Variants in ERN1 observed in about 807,000 individuals in gnomAD.
The protein encoded by ERN1 is serine/threonine-protein kinase/endoribonuclease IRE1.
ERN1 carries 39 observed loss-of-function variants against 113.1 expected under a neutral mutation model. That is an observed-to-expected ratio of 0.34 (90% CI 0.27 to 0.45). The LOEUF (loss-of-function observed/expected upper bound fraction) is 0.45. ERN1 is among the 20% of genes least tolerant of loss of function. The pLI is 1.00. For missense variants in ERN1, 976 were observed against 1,274.8 expected (o/e 0.77, Z 3.57); for synonymous variants, 507 against 515.9 (o/e 0.98, Z 0.23).
intron 1 of ERN1, among the ~76,000 whole-genome samples, chr17:64,105,845 C>G (rs935691641): frequency 1.3e-5 from 2 of 151,902 alleles, no homozygotes; most frequent in Non-Finnish European, 2.9e-5. Flanking sequence ...ATCCCAGCTA[C>G]TTGGGAAGCT....
At chr17:64,110,902 G>A (rs1239728122) in intron 1 of ERN1, among the ~76,000 whole-genome samples, 2 of 152,180 alleles carry the variant, frequency 1.3e-5, no homozygotes, top group African/African-American at 4.8e-5. Flanking sequence ...CTCGAAAACA[G>A]GACTCAGAAA....
intron 2 of ERN1, among the ~76,000 whole-genome samples, chr17:64,086,008 A>G (rs1913913265): frequency 6.6e-6 from 1 of 152,116 alleles, no homozygotes; most frequent in East Asian, 1.9e-4. Flanking sequence ...CCTTCCCTTC[A>G]CATCTCTATA....
At chr17:64,078,135 C>G (rs552772563) in intron 4 of ERN1, among the ~76,000 whole-genome samples, 5 of 152,300 alleles carry the variant, frequency 3.3e-5, no homozygotes, top group African/African-American at 9.6e-5. Flanking sequence ...CTTGTGCCAC[C>G]CTGCACTTCC....
At position 64,047,909 on chromosome 17, in the gene ERN1, C is replaced by T. The variant is rs1912560906; in HGVS notation, c.2478G>A (p.Val826=). The T allele has an allele frequency of 6.2e-7, 1 of 1,613,382 alleles. No individual in the cohort carries two copies. Among genetic ancestry groups the T allele is most frequent in the Non-Finnish European group, 8.5e-7 (1 of 1,179,444 alleles). The change falls in exon 19 of 22, where the codon GTG becomes GTA. Residue 826 remains valine (V), a synonymous_variant. Coordinates refer to ENST00000433197, the MANE Select transcript of ERN1 (RefSeq NM_001433.5). ...DPQKRPSAKH[V]LKHPFFWSLE... is the part of the protein sequence containing the mutation. ...GGCTCCAGAAGAACGGGTGTTTGAG[C>T]ACATGCTTCGCTGAGGGGCGTTTCT...
chr17:64,116,625 T>A (rs1467334415), intron 1 of ERN1, among the ~76,000 whole-genome samples: 2 of 150,776 alleles, frequency 1.3e-5, no homozygotes, highest in African/African-American at 4.9e-5. Flanking sequence ...GGAAAAAAAA[T>A]GTAATCTTAT....
intron 11 of ERN1, among the ~76,000 whole-genome samples, chr17:64,058,976 C>T (rs1034038586): frequency 3.3e-5 from 5 of 152,154 alleles, no homozygotes; most frequent in African/African-American, 1.2e-4. Context: ...CATACAGATG[C>T]ACCTGAGAGT....
intron 5 of ERN1, among the ~76,000 whole-genome samples, chr17:64,073,429 C>T (rs895362052): frequency 1.3e-5 from 2 of 151,322 alleles, no homozygotes; most frequent in Non-Finnish European, 2.9e-5. Context: ...CCCAACTCGG[C>T]CTCCCAAAGT....
intron 7 of ERN1, 123 bp from the exon 8 acceptor site, chr17:64,067,055 ATCTCC>A: frequency 9.6e-7 from 1 of 1,037,992 alleles, no homozygotes; most frequent in African/African-American, 1.6e-5. Context: ...ATATTCTCAG[ATCTCC>A]TCTGAGCAAT....
intron 1 of ERN1, among the ~76,000 whole-genome samples, chr17:64,116,071 TA>T (rs1914795398): frequency 6.6e-6 from 1 of 152,144 alleles, no homozygotes; most frequent in African/African-American, 2.4e-5. Context: ...CATTAGAAAT[TA>T]GTAATAATCT....
At chr17:64,118,571 C>T in intron 1 of ERN1, among the ~76,000 whole-genome samples, 1 of 152,184 alleles carries the variant, frequency 6.6e-6, no homozygotes, top group Non-Finnish European at 1.5e-5. Flanking sequence ...GAGCGGGCTC[C>T]CAATTCTACT....
At chr17:64,105,585 T>C (rs1413107477) in intron 1 of ERN1, among the ~76,000 whole-genome samples, 2 of 152,312 alleles carry the variant, frequency 1.3e-5, no homozygotes, top group East Asian at 3.9e-4. Flanking sequence ...TGTGTGTGTG[T>C]GTTTTTGTTT....
intron 2 of ERN1, among the ~76,000 whole-genome samples, chr17:64,091,199 C>T (rs146387604): frequency 8.5e-5 from 13 of 152,314 alleles, no homozygotes; most frequent in Non-Finnish European, 1.9e-4. Flanking sequence ...AGATCTCCAA[C>T]TCTTCCAGAG....
At chr17:64,064,623 G>A (rs1454249928) in intron 9 of ERN1, among the ~76,000 whole-genome samples, 2 of 152,228 alleles carry the variant, frequency 1.3e-5, no homozygotes, top group Non-Finnish European at 2.9e-5. Context: ...CAACCACACA[G>A]CCCAAGCATT....
chr17:64,091,662 G>C (rs1206645653), intron 2 of ERN1, among the ~76,000 whole-genome samples: 1 of 152,206 alleles, frequency 6.6e-6, no homozygotes, highest in Non-Finnish European at 1.5e-5. Context: ...TGCTGGTAGA[G>C]AGGGAGCATG....
Position 64,055,718 on chromosome 17 carries a change from G to A in ERN1, c.1629C>T (p.Ala543=), listed in dbSNP as rs772328006. 4 of 1,609,642 alleles carry A rather than the reference G, an allele frequency of 2.5e-6. No homozygotes were observed. In the South Asian group the frequency reaches 3.3e-5, roughly 13 times the overall value. The part of the protein sequence containing the change: ...SNHSLCSGSS[A]SKAGSSPSLE... ...GGGAGGGGCTGCTGCCAGCCTTGGA[G>A]GCAGAGCTGCCGGAGCAGAGCGAGT... The change falls in exon 13 of 22, where the codon GCC becomes GCT. Residue 543 remains alanine, a synonymous_variant. Coordinates refer to ENST00000433197, the MANE Select transcript of ERN1 (RefSeq NM_001433.5).
chr17:64,069,309 G>A (rs1913335098), intron 6 of ERN1, among the ~76,000 whole-genome samples: 1 of 152,110 alleles, frequency 6.6e-6, no homozygotes, highest in Non-Finnish European at 1.5e-5. Context: ...TTGACACATG[G>A]GAAGCCCACA....
At position 64,105,638 on chromosome 17, in the gene ERN1, T is replaced by C. The variant is rs555735798; in HGVS notation, c.55-7397A>G. Among the ~76,000 whole-genome samples the C allele has an allele frequency of 2.0e-4, 30 of 152,312 alleles. No homozygotes were observed. The East Asian group carries it at 4.1e-3, about 21-fold the overall frequency. On this transcript the variant is annotated intron_variant, in intron 1 of 21. Coordinates refer to ENST00000433197, the MANE Select transcript of ERN1 (RefSeq NM_001433.5). ...CTGTGTTCATTGGATTACTGTTATA[T>C]TGCATAATCCCAACTTTAGTTTTAT...
At chr17:64,080,705 G>A in intron 3 of ERN1, 70 bp downstream of exon 3, 2 of 1,414,750 alleles carry the variant, frequency 1.4e-6, no homozygotes, top group Non-Finnish European at 2.0e-6. Context: ...CCAGCAACTG[G>A]CCTCATAAAC....
chr17:64,064,391 G>A (rs1468250091), intron 9 of ERN1, among the ~76,000 whole-genome samples: 1 of 152,260 alleles, frequency 6.6e-6, no homozygotes, highest in Non-Finnish European at 1.5e-5. Flanking sequence ...TGGGGAACAA[G>A]AAGTGTGTGT....
Sources: allele counts gnomAD v4.1 joint callset (sites outside exome capture counted in the v4.1 genomes callset), GRCh38; gene constraint gnomAD v4.1.1; transcripts MANE v1.5; gene names NCBI Gene and HGNC (gene_info 2026-07-23, HGNC 2026-07-21).